The following NDRG3 variants were observed in gnomAD, a reference collection of about 807,000 sequenced individuals.
The protein encoded by NDRG3 is protein NDRG3.
A neutral mutation model predicts 57.2 loss-of-function variants in NDRG3; 23 were observed. The ratio of observed to expected loss-of-function variants is 0.40; its 90% CI spans 0.29 to 0.57. The LOEUF is 0.57. Among genes scored for constraint, NDRG3 ranks in the 20% least tolerant of loss-of-function variants. The pLI is 0.42. For synonymous variants in NDRG3, 132 were observed against 162.6 expected, an observed-to-expected ratio of 0.81 and a Z score of 1.43; for missense variants, 384 against 457.3, an observed-to-expected ratio of 0.84 and a Z score of 1.46.
At position 36,745,816 on chromosome 20, in the gene NDRG3, C is replaced by T. The variant is rs1217253811; in HGVS notation, c.-49+229G>A. 2.2e-5 allele frequency among the ~76,000 whole-genome samples: 3 copies of T among 138,074 alleles called. No homozygotes were observed. The East Asian group carries it at 7.6e-4, about 35-fold the overall frequency. 90.6% of individuals were successfully genotyped at this position (138,074 alleles called of 152,430 possible). Reference sequence around the variant, plus strand: ...TCTCTTGCTACCCACACGCTGTCGCCGGCGGGCTGGGCGCGGGGAGCGGCC... The same window carrying T: ...TCTCTTGCTACCCACACGCTGTCGCTGGCGGGCTGGGCGCGGGGAGCGGCC... On this transcript the variant is annotated intron_variant, in intron 1 of 15. Transcript: ENST00000349004.
At chr20:36,733,535 C>T (rs1396118432) in intron 1 of NDRG3, among the ~76,000 whole-genome samples, 1 of 151,612 alleles carries the variant, frequency 6.6e-6, no homozygotes, top group African/African-American at 2.4e-5. Flanking sequence ...CCATCCTGGC[C>T]AACATGGTGA....
At chr20:36,721,327 G>A (rs774338320) in intron 2 of NDRG3, among the ~76,000 whole-genome samples, 1 of 151,586 alleles carries the variant, frequency 6.6e-6, no homozygotes, top group Non-Finnish European at 1.5e-5. Flanking sequence ...TCAGGAGATC[G>A]AGACCATCCT....
At position 36,688,685 on chromosome 20, in the gene NDRG3, G is replaced by A; in HGVS notation, c.193C>T (p.Leu65Phe). 1 of 1,608,994 alleles carries A rather than the reference G, an allele frequency of 6.2e-7. No homozygotes were observed. The highest frequency in any genetic ancestry group is 1.1e-5 in the South Asian group (1 of 90,960). Residue 65 changes from leucine to phenylalanine, a missense_variant, in exon 4 of 16, where the codon CTC becomes TTC. Transcript: ENST00000349004. ...TGTAAAATAAAATACATACGGTTGA[G>A]GCCAATGTCATGATATGTTAGTATA... Reference protein sequence around the residue: ...PVILTYHDIGLNHKSCFNAFF... With the variant: ...PVILTYHDIGFNHKSCFNAFF...
At chr20:36,722,818 G>A (rs1309410204) in intron 1 of NDRG3, among the ~76,000 whole-genome samples, 2 of 152,158 alleles carry the variant, frequency 1.3e-5, no homozygotes, top group African/African-American at 2.4e-5. Flanking sequence ...GGGATGGCTC[G>A]TGTAACTAAT....
In NDRG3 at chr20:36,693,072, C is replaced by CAAA. The variant is rs1166724972; in HGVS notation, c.94-4291_94-4289dup. 2.4e-3 allele frequency among the ~76,000 whole-genome samples: 11 copies of CAAA among 4,534 alleles called. 4 individuals are homozygous for CAAA. The highest frequency in any genetic ancestry group is 3.9e-3 in the Non-Finnish European group (10 of 2,556). The allele number at this position is 4,534 out of a possible 152,430, so 3.0% of individuals were successfully genotyped here. A position where few individuals can be genotyped will look rare whatever the true frequency, so the allele number is the denominator to read the frequency against. ...CCGGGGTGACAGCAAGACCCTGTCT[C>CAAA]AAAAAAAAAAAAAAAAAAAAAAAAA... is the stretch of plus-strand genomic sequence containing the variant. On this transcript the variant is annotated intron_variant, in intron 3 of 15. Coordinates refer to ENST00000349004, the MANE Select transcript of NDRG3 (RefSeq NM_032013.4).
At chr20:36,664,538 C>T (rs554182464) in intron 12 of NDRG3, among the ~76,000 whole-genome samples, 2 of 152,064 alleles carry the variant, frequency 1.3e-5, no homozygotes, top group African/African-American at 4.8e-5. Context: ...CTACACAACA[C>T]AAAGCAATCA....
chr20:36,729,228 A>G (rs1985130363), intron 1 of NDRG3, among the ~76,000 whole-genome samples: 1 of 152,180 alleles, frequency 6.6e-6, no homozygotes, highest in Non-Finnish European at 1.5e-5. Flanking sequence ...TCATCACACC[A>G]GGACAAGAGC....
chr20:36,712,303 T>A (rs1037767677), intron 2 of NDRG3, among the ~76,000 whole-genome samples: 6 of 151,656 alleles, frequency 4.0e-5, no homozygotes, highest in African/African-American at 1.2e-4. Context: ...TCTGTACTCA[T>A]TAAAAGTTCA....
At chr20:36,717,690 A>G (rs907164301) in intron 2 of NDRG3, among the ~76,000 whole-genome samples, 3 of 152,206 alleles carry the variant, frequency 2.0e-5, no homozygotes, top group Non-Finnish European at 4.4e-5. Context: ...CACATAAGAG[A>G]TAATAAATCA....
At position 36,728,765 on chromosome 20, in the gene NDRG3, G is replaced by A. The variant is rs113433911; in HGVS notation, c.-48-6982C>T. ...TTTTGAGACAGAGTCTCACTCTGTCGCCCAGGCTGGAGTGCAGTGGCTCAA... is the reference window on the plus strand; with the variant it reads ...TTTTGAGACAGAGTCTCACTCTGTCACCCAGGCTGGAGTGCAGTGGCTCAA... On this transcript the variant is annotated intron_variant, in intron 1 of 15. Coordinates refer to ENST00000349004, the MANE Select transcript of NDRG3 (RefSeq NM_032013.4). Among the ~76,000 whole-genome samples, 843 of 151,806 alleles carry A rather than the reference G, an allele frequency of 5.6e-3. 9 individuals are homozygous for A. Among genetic ancestry groups the A allele is most frequent in the African/African-American group, 0.02 (814 of 41,370 alleles).
chr20:36,652,428 C>T lies in NDRG3; in HGVS notation c.*1092G>A, dbSNP rs1238962769. The T allele has an allele frequency of 2.6e-5, 4 of 151,744 alleles. No individual in the cohort carries two copies. Among genetic ancestry groups the T allele is most frequent in the Non-Finnish European group, 5.9e-5 (4 of 67,992 alleles). 9.4% of individuals were successfully genotyped at this position (151,744 alleles called of 1,614,324 possible). A position where few individuals can be genotyped will look rare whatever the true frequency, so the allele number is the denominator to read the frequency against. On this transcript the variant is annotated 3_prime_UTR_variant, in exon 16 of 16. Coordinates refer to ENST00000349004, the MANE Select transcript of NDRG3 (RefSeq NM_032013.4). ...TCTGTCTCAAAAAAAAAAAAAGACT[C>T]TGAGAAATGGGTTCTGTATCAATTT...
chr20:36,684,497 C>T (rs762585484), intron 5 of NDRG3, 22 bp from the exon 6 acceptor site: 8 of 1,605,646 alleles, frequency 5.0e-6, no homozygotes, highest in Non-Finnish European at 6.8e-6. Context: ...AAGGATATCT[C>T]CTGAATTAGA....
Position 36,687,617 on chromosome 20 carries a change from A to G in NDRG3, c.200-5T>C. ...ATGCATTGAAACAGGATTTATCTAT[A>G]AGAATAAAAATACCCATAAGTCACA... On this transcript the variant is annotated splice_polypyrimidine_tract_variant and splice_region_variant and intron_variant, in intron 4 of 15. Coordinates refer to ENST00000349004, the MANE Select transcript of NDRG3 (RefSeq NM_032013.4). 1.9e-6 allele frequency: 3 copies of G among 1,612,278 alleles called. No homozygotes were observed. The highest frequency in any genetic ancestry group is 2.2e-5 in the South Asian group (2 of 90,878).
At chr20:36,717,059 G>A (rs1021380606) in intron 2 of NDRG3, among the ~76,000 whole-genome samples, 7 of 152,184 alleles carry the variant, frequency 4.6e-5, no homozygotes, top group African/African-American at 1.7e-4. Context: ...ATAGTTAAAT[G>A]CTATTTTAAA....
At chr20:36,691,038 C>T (rs1031685696) in intron 3 of NDRG3, among the ~76,000 whole-genome samples, 16 of 152,328 alleles carry the variant, frequency 1.1e-4, no homozygotes, top group South Asian at 2.1e-4. Context: ...CCTATCCTAG[C>T]GAATTTCTGT....
chr20:36,691,613 T>C (rs1392901703), intron 3 of NDRG3, among the ~76,000 whole-genome samples: 3 of 152,046 alleles, frequency 2.0e-5, no homozygotes, highest in Non-Finnish European at 2.9e-5. Flanking sequence ...CTTAGGAGGG[T>C]GAGGCAGAAG....
At chr20:36,678,749 A>T (rs1337075428) in intron 8 of NDRG3, among the ~76,000 whole-genome samples, 2 of 152,236 alleles carry the variant, frequency 1.3e-5, no homozygotes, top group Non-Finnish European at 2.9e-5. Flanking sequence ...GTAATTAAAA[A>T]TTCTTATTTT....
chr20:36,724,371 T>G (rs1011219185), intron 1 of NDRG3, among the ~76,000 whole-genome samples: 2 of 152,172 alleles, frequency 1.3e-5, no homozygotes, highest in African/African-American at 4.8e-5. Context: ...ACCCATATAC[T>G]TGATTGAGCT....
intron 1 of NDRG3, among the ~76,000 whole-genome samples, chr20:36,735,226 C>T (rs1985542681): frequency 6.6e-6 from 1 of 152,146 alleles, no homozygotes. Context: ...CATCTCTAAT[C>T]TGAAAATCCA....
Sources: gnomAD v4.1 joint callset for allele counts (sites outside exome capture counted in the v4.1 genomes callset) on GRCh38, gnomAD v4.1.1 for gene constraint, MANE v1.5 for transcripts, NCBI Gene and HGNC (gene_info 2026-07-23, HGNC 2026-07-21) for gene names.